ZFYVE19: variants seen among roughly 807,000 people sequenced by gnomAD.
ZFYVE19 encodes abscission/NoCut checkpoint regulator.
A neutral mutation model predicts 62.8 loss-of-function variants in ZFYVE19; 49 were observed. The ratio of observed to expected loss-of-function variants is 0.78; its 90% confidence interval spans 0.62 to 0.99. The LOEUF is 0.99. ZFYVE19 is among the 50% of genes least tolerant of loss of function. The pLI, the probability that ZFYVE19 is intolerant of heterozygous loss-of-function variation, is 0.00. For synonymous variants in ZFYVE19, 242 were observed against 234.3 expected, an observed-to-expected ratio of 1.03 and a Z score of -0.30; for missense variants, 630 against 601.9, an observed-to-expected ratio of 1.05 and a Z score of -0.49.
chr15:40,809,510 C>T lies in ZFYVE19; in HGVS notation c.452+52C>T, dbSNP rs771842436. On this transcript the variant is annotated intron_variant, in intron 3 of 10. Transcript: ENST00000355341. ...GAGCATTGGGGAAAGGATAAGGGAG[C>T]CATAGGGAAAGACCCTGCCCCCATC... The T allele has an allele frequency of 3.8e-6, 6 of 1,596,870 alleles. No individual in the cohort carries two copies. The South Asian group carries it at 6.7e-5, about 18-fold the overall frequency.
Position 40,807,256 on chromosome 15 carries a change from C to G in ZFYVE19, c.-334C>G. 6.3e-7 allele frequency: 1 copy of G among 1,592,846 alleles called. No individual in the cohort carries two copies. The highest frequency in any genetic ancestry group is 1.1e-5 in the South Asian group (1 of 88,952). ...GAGGGCATAGCGCCGACCCTCGCTC[C>G]CCGCCCAGGACCCGAATGAACCTGG... On this transcript the variant is annotated 5_prime_UTR_variant, in exon 1 of 11. Transcript: ENST00000355341.
At chr15:40,811,091 C>G (rs149078178) in intron 6 of ZFYVE19, 1 of 313,136 alleles carries the variant, frequency 3.2e-6, no homozygotes, top group South Asian at 3.0e-5. Context: ...GAGGAGTAAA[C>G]GAGATAATCC....
intron 7 of ZFYVE19, 25 bp from the exon 8 acceptor site, chr15:40,813,313 C>A (rs1890555290): frequency 1.9e-6 from 3 of 1,609,924 alleles, no homozygotes; most frequent in East Asian, 4.5e-5. Flanking sequence ...CCCCCATCCC[C>A]TGTTCCCATG....
intron 8 of ZFYVE19, 141 bp downstream of exon 8, chr15:40,813,558 C>A: frequency 8.8e-7 from 1 of 1,135,270 alleles, no homozygotes; most frequent in Non-Finnish European, 1.3e-6. Flanking sequence ...CCAGACCTGC[C>A]CACTGGTCCC....
chr15:40,810,334 T>G (rs1393915720), intron 5 of ZFYVE19, 118 bp downstream of exon 5: 1 of 1,457,706 alleles, frequency 6.9e-7, no homozygotes, highest in Non-Finnish European at 9.1e-7. Flanking sequence ...TACTTTTAAT[T>G]GCAAAAACCT....
rs1219076713 is a variant in ZFYVE19 at position 40,807,585 on chromosome 15, C to T, written c.-5C>T. On this transcript the variant is annotated 5_prime_UTR_variant, in exon 1 of 11. Transcript: ENST00000355341. Reference sequence around the variant, plus strand: ...ACTGACTCTGAGGGAGGCCGGCAGTCGTGAATGAACTACGACTCCCAGCAG... The same window carrying T: ...ACTGACTCTGAGGGAGGCCGGCAGTTGTGAATGAACTACGACTCCCAGCAG... 1 of 1,610,712 alleles carries T rather than the reference C, an allele frequency of 6.2e-7. No individual in the cohort carries two copies. Among genetic ancestry groups the T allele is most frequent in the Admixed American group, 1.7e-5 (1 of 59,616 alleles).
At position 40,807,444 on chromosome 15, in the gene ZFYVE19, C is replaced by T; in HGVS notation, c.-146C>T. The T allele has an allele frequency of 1.9e-6, 3 of 1,614,232 alleles. No homozygotes were observed. The highest frequency in any genetic ancestry group is 2.5e-6 in the Non-Finnish European group (3 of 1,180,022). On this transcript the variant is annotated 5_prime_UTR_variant, in exon 1 of 11. Coordinates refer to ENST00000355341, the MANE Select transcript of ZFYVE19 (RefSeq NM_001077268.2). ...TCTGTAAGAGCTCCTTGGTCACTGC[C>T]ATGGTTCCGGCCTGACGGATTCGTA... is the stretch of plus-strand genomic sequence containing the variant.
intron 10 of ZFYVE19, 27 bp downstream of exon 10, chr15:40,814,097 G>T: frequency 1.2e-6 from 2 of 1,614,190 alleles, no homozygotes; most frequent in Non-Finnish European, 1.7e-6. Context: ...TGTTCTGTGC[G>T]AGAGCTCAAG....
intron 3 of ZFYVE19, 117 bp from the exon 4 acceptor site, chr15:40,809,735 C>T (rs1199319354): frequency 8.7e-7 from 1 of 1,152,102 alleles, no homozygotes; most frequent in African/African-American, 1.5e-5. Flanking sequence ...GCAGATTGCC[C>T]ATTGGAGGCC....
chr15:40,814,124 G>C (rs1890594851), intron 10 of ZFYVE19, 24 bp from the exon 11 acceptor site: 1 of 1,614,078 alleles, frequency 6.2e-7, no homozygotes, highest in South Asian at 1.1e-5. Context: ...CTGGATCCCT[G>C]ACTTGTATCC....
rs139518738 is a variant in ZFYVE19 at position 40,809,817 on chromosome 15, C to A, written c.453-35C>A. On this transcript the variant is annotated intron_variant, in intron 3 of 10. Coordinates refer to ENST00000355341, the MANE Select transcript of ZFYVE19 (RefSeq NM_001077268.2). ...TGGGTGCCTTCACTCTTCCCCTCTGCCTTCTTCAAGAGCCTCTATCTCATA... is the reference window on the plus strand; with the variant it reads ...TGGGTGCCTTCACTCTTCCCCTCTGACTTCTTCAAGAGCCTCTATCTCATA... The A allele has an allele frequency of 7.3e-3, 11,775 of 1,604,420 alleles. 57 individuals are homozygous for A. The highest frequency in any genetic ancestry group is 9.2e-3 in the Non-Finnish European group (10,805 of 1,171,586).
intron 1 of ZFYVE19, 77 bp from the exon 2 acceptor site, chr15:40,809,042 T>A: frequency 6.3e-7 from 1 of 1,580,250 alleles, no homozygotes; most frequent in Non-Finnish European, 8.6e-7. Context: ...CTTCTCTCTG[T>A]GTGTGCTTGG....
chr15:40,808,544 C>T (rs1169034946), intron 1 of ZFYVE19: 1 of 1,055,176 alleles, frequency 9.5e-7, no homozygotes, highest in East Asian at 2.9e-5. Flanking sequence ...GAGGCGGTGA[C>T]CTTGGTTTGG....
chr15:40,809,696 G>A (rs1890415626), intron 3 of ZFYVE19, among the ~76,000 whole-genome samples, 156 bp from the exon 4 acceptor site: 1 of 152,148 alleles, frequency 6.6e-6, no homozygotes, highest in African/African-American at 2.4e-5. Context: ...GCCAGGTTGG[G>A]CTGCAGGGTG....
At chr15:40,811,898 C>G (rs1027549814) in intron 6 of ZFYVE19, among the ~76,000 whole-genome samples, 8 of 152,174 alleles carry the variant, frequency 5.3e-5, no homozygotes, top group Non-Finnish European at 8.8e-5. Context: ...AGAGCCACAC[C>G]TAATCTGGTA....
chr15:40,810,190 G>A lies in ZFYVE19; in HGVS notation c.691G>A (p.Val231Ile). The change falls in exon 5 of 11, where the codon GTT becomes ATT. Residue 231 changes from valine (V) to isoleucine (I), a missense_variant. By Grantham distance (29) the Val-to-Ile change is conservative (BLOSUM62 3). Transcript: ENST00000355341. ...EARLAALQGRVLPSQTPQPAH... is the reference protein window; with the variant it reads ...EARLAALQGRILPSQTPQPAH... ...ACGACTTGCAGCGTTGCAGGGCAGA[G>A]TTCTACCTTCTCAAACCCCCCAGCC... 6.2e-7 allele frequency: 1 copy of A among 1,614,228 alleles called. No individual in the cohort carries two copies. Among genetic ancestry groups the A allele is most frequent in the Non-Finnish European group, 8.5e-7 (1 of 1,180,036 alleles).
chr15:40,809,854 G>C lies in ZFYVE19; in HGVS notation c.455G>C (p.Arg152Pro), dbSNP rs753378311. Residue 152 changes from arginine (R) to proline (P), a missense_variant and splice_region_variant, in exon 4 of 11, where the codon CGT becomes CCT. Transcript: ENST00000355341. The part of the protein sequence containing the change: ...KWSPPQNYKK[R>P]VAALEAKQKP... ...GCCTCTATCTCATATCCTGCCAGGCGTGTGGCAGCCTTGGAAGCCAAGCAA... is the reference window on the plus strand; with the variant it reads ...GCCTCTATCTCATATCCTGCCAGGCCTGTGGCAGCCTTGGAAGCCAAGCAA... 90 of 1,614,032 alleles carry C rather than the reference G, an allele frequency of 5.6e-5. No homozygotes were observed. The highest frequency in any genetic ancestry group is 7.4e-5 in the Non-Finnish European group (87 of 1,180,016).
In ZFYVE19 at chr15:40,812,690, C is replaced by A. The variant is rs555039521; in HGVS notation, c.827-9C>A. 143 of 1,603,812 alleles carry A rather than the reference C, an allele frequency of 8.9e-5. No individual in the cohort carries two copies. The South Asian group carries it at 1.6e-3, about 17-fold the overall frequency. ...GTCTCGGCCTTGCTGATGGCATTAC[C>A]CCTTCCAGCTGCCTCTCTCCAGAAT... On this transcript the variant is annotated splice_polypyrimidine_tract_variant and intron_variant, in intron 6 of 10. Coordinates refer to ENST00000355341, the MANE Select transcript of ZFYVE19 (RefSeq NM_001077268.2).
chr15:40,811,533 GA>G (rs1426498899), intron 6 of ZFYVE19, among the ~76,000 whole-genome samples: 1 of 152,180 alleles, frequency 6.6e-6, no homozygotes, highest in Non-Finnish European at 1.5e-5. Context: ...AGAGAACTAA[GA>G]TTGAGAAGTC....
Sources: gnomAD v4.1 joint callset for allele counts (sites outside exome capture counted in the v4.1 genomes callset) on GRCh38, gnomAD v4.1.1 for gene constraint, MANE v1.5 for transcripts, NCBI Gene and HGNC (gene_info 2026-07-23, HGNC 2026-07-21) for gene names.